FOXP1: variants seen among roughly 807,000 people sequenced by gnomAD.
FOXP1 encodes forkhead box protein P1.
In FOXP1, 15 loss-of-function variants were observed where a neutral mutation model predicts 98.2. The observed-to-expected ratio is 0.15, with a 90% CI of 0.10 to 0.24. FOXP1 has a LOEUF of 0.24. Ranked by LOEUF, FOXP1 falls within the 10% of genes least tolerant of loss-of-function variation. The pLI, the probability that FOXP1 is intolerant of heterozygous loss-of-function variation, is 1.00. For missense variants in FOXP1, 633 were observed against 848.5 expected, an observed-to-expected ratio of 0.75 and a Z score of 3.15; for synonymous variants, 371 against 314.5, an observed-to-expected ratio of 1.18 and a Z score of -1.90.
intron 14 of FOXP1, among the ~76,000 whole-genome samples, chr3:70,983,213 C>G (rs2039176167): frequency 6.6e-6 from 1 of 151,288 alleles, no homozygotes; most frequent in South Asian, 2.1e-4. Flanking sequence ...AAGGTTATGA[C>G]TTACTTAGAA....
intron 6 of FOXP1, among the ~76,000 whole-genome samples, chr3:71,141,862 G>C (rs986577783): frequency 6.6e-6 from 1 of 152,300 alleles, no homozygotes; most frequent in Non-Finnish European, 1.5e-5. Flanking sequence ...ACGAAGAGGT[G>C]ACATTTAATT....
intron 4 of FOXP1, among the ~76,000 whole-genome samples, chr3:71,303,562 C>A (rs2074028794): frequency 6.6e-6 from 1 of 152,122 alleles, no homozygotes; most frequent in African/African-American, 2.4e-5. Context: ...GCTTTAATAT[C>A]TTGTTTTTCA....
intron 13 of FOXP1, among the ~76,000 whole-genome samples, chr3:70,988,386 T>C (rs1285636572): frequency 6.6e-6 from 1 of 152,198 alleles, no homozygotes; most frequent in Non-Finnish European, 1.5e-5. Context: ...ACCAACCTTA[T>C]TCATGAGAAA....
At chr3:71,227,470 G>A (rs769621549) in intron 5 of FOXP1, among the ~76,000 whole-genome samples, 2 of 152,184 alleles carry the variant, frequency 1.3e-5, no homozygotes, top group Non-Finnish European at 2.9e-5. Flanking sequence ...TTAGTCTAGA[G>A]CTTATCTAAC....
chr3:71,557,133 T>C (rs779646690), intron 2 of FOXP1, among the ~76,000 whole-genome samples: 1 of 152,222 alleles, frequency 6.6e-6, no homozygotes, highest in Non-Finnish European at 1.5e-5. Flanking sequence ...TGTTTTCTTA[T>C]GGCAGAGAGA....
chr3:70,974,358 T>C (rs965303291), intron 17 of FOXP1, among the ~76,000 whole-genome samples: 1 of 152,128 alleles, frequency 6.6e-6, no homozygotes, highest in Admixed American at 6.5e-5. Flanking sequence ...AGTGCAGTGG[T>C]TCAATTATGG....
intron 19 of FOXP1, 41 bp downstream of exon 19, chr3:70,970,695 C>G (rs370200679): frequency 6.9e-7 from 1 of 1,447,116 alleles, no homozygotes; most frequent in African/African-American, 1.4e-5. Context: ...TAGGGGAGAC[C>G]TGTGCCTCTG....
intron 4 of FOXP1, among the ~76,000 whole-genome samples, chr3:71,346,919 T>G (rs2077400785): frequency 6.6e-6 from 1 of 152,116 alleles, no homozygotes; most frequent in Admixed American, 6.5e-5. Context: ...GGCACGCACC[T>G]GCCTCAGGGA....
At chr3:71,277,574 C>A (rs1239452016) in intron 5 of FOXP1, among the ~76,000 whole-genome samples, 4 of 152,120 alleles carry the variant, frequency 2.6e-5, no homozygotes, top group Admixed American at 2.6e-4. Flanking sequence ...CTGATGACTG[C>A]AGCCTCTAAC....
At chr3:71,339,223 A>G (rs955359987) in intron 4 of FOXP1, among the ~76,000 whole-genome samples, 1 of 152,270 alleles carries the variant, frequency 6.6e-6, no homozygotes, top group African/African-American at 2.4e-5. Context: ...TAAATTTACA[A>G]CAACACAAGT....
At chr3:71,275,223 C>T (rs1361920518) in intron 5 of FOXP1, among the ~76,000 whole-genome samples, 2 of 152,190 alleles carry the variant, frequency 1.3e-5, no homozygotes, top group South Asian at 2.1e-4. Flanking sequence ...TACAGGTGTA[C>T]GTTCTTTTTT....
At chr3:71,515,057 C>T (rs1377578049) in intron 2 of FOXP1, among the ~76,000 whole-genome samples, 1 of 152,116 alleles carries the variant, frequency 6.6e-6, no homozygotes, top group Non-Finnish European at 1.5e-5. Context: ...TAAAGATAGC[C>T]AGGCTATCTG....
Position 71,364,030 on chromosome 3 carries a change from A to G in FOXP1, c.-167-4786T>C, listed in dbSNP as rs375681261. The stretch of plus-strand genomic sequence containing the variant: ...ACCGCTCCAGTCCCCCTCAACCAGC[A>G]CTAACAGTGGGAGGTGCTCACCCAT... On this transcript the variant is annotated intron_variant, in intron 3 of 20. Transcript: ENST00000649528. Among the ~76,000 whole-genome samples the G allele has an allele frequency of 3.2e-4, 49 of 152,258 alleles. No individual in the cohort carries two copies. In the East Asian group the frequency reaches 7.9e-3, roughly 25 times the overall value.
intron 5 of FOXP1, among the ~76,000 whole-genome samples, chr3:71,275,624 T>C (rs576607239): frequency 1.6e-4 from 24 of 152,372 alleles, no homozygotes; most frequent in African/African-American, 5.8e-4. Flanking sequence ...CGAGGCACAA[T>C]TCTACTGCAG....
At chr3:71,181,799 G>C (rs575002148) in intron 6 of FOXP1, among the ~76,000 whole-genome samples, 1 of 152,246 alleles carries the variant, frequency 6.6e-6, no homozygotes, top group African/African-American at 2.4e-5. Context: ...TTGAGAGGCT[G>C]AGGAGGACGG....
intron 7 of FOXP1, among the ~76,000 whole-genome samples, chr3:71,056,564 G>C (rs554218154): frequency 3.3e-5 from 5 of 152,104 alleles, no homozygotes; most frequent in African/African-American, 1.2e-4. Context: ...TCCTCCAAAC[G>C]GGCTGATCAC....
intron 6 of FOXP1, among the ~76,000 whole-genome samples, chr3:71,185,271 A>G (rs2062579639): frequency 6.6e-6 from 1 of 152,218 alleles, no homozygotes; most frequent in South Asian, 2.1e-4. Flanking sequence ...ATCCAATTAC[A>G]AACTTAAAAA....
chr3:71,163,502 T>G (rs2061247877), intron 6 of FOXP1, among the ~76,000 whole-genome samples: 2 of 152,148 alleles, frequency 1.3e-5, no homozygotes, highest in South Asian at 2.1e-4. Context: ...CTGAAAAATT[T>G]TATTAACTCT....
chr3:71,115,731 A>T (rs1195957787), intron 6 of FOXP1, among the ~76,000 whole-genome samples: 2 of 127,850 alleles, frequency 1.6e-5, no homozygotes, highest in African/African-American at 5.8e-5. Flanking sequence ...TACACACAAA[A>T]CTATTCTTTT....
Sources: gnomAD v4.1 joint callset for allele counts (sites outside exome capture counted in the v4.1 genomes callset) on GRCh38, gnomAD v4.1.1 for gene constraint, MANE v1.5 for transcripts, NCBI Gene and HGNC (gene_info 2026-07-23, HGNC 2026-07-21) for gene names.